LRP1B: variants seen among roughly 807,000 people sequenced by gnomAD.
The protein encoded by LRP1B is LDL receptor related protein 1B.
In LRP1B, 217 loss-of-function variants were observed where a neutral mutation model predicts 556.6. That is an observed-to-expected ratio of 0.39 (90% CI 0.35 to 0.44). The LOEUF is 0.44. Ranked by LOEUF, LRP1B falls within the 20% of genes least tolerant of loss-of-function variation. The pLI, the probability that LRP1B is intolerant of heterozygous loss-of-function variation, is 1.00. For missense variants in LRP1B, 5,053 were observed against 5,620.8 expected (o/e 0.90, Z 3.23); for synonymous variants, 2,047 against 1,865.8 (o/e 1.10, Z -2.50).
intron 83 of LRP1B, among the ~76,000 whole-genome samples, chr2:140,308,520 A>C (rs1333466220): frequency 2.0e-5 from 3 of 151,740 alleles, no homozygotes. Flanking sequence ...ATTCATACTC[A>C]TTTGTCTATG....
At chr2:141,671,876 C>T (rs1372540216) in intron 2 of LRP1B, among the ~76,000 whole-genome samples, 1 of 150,998 alleles carries the variant, frequency 6.6e-6, no homozygotes, top group African/African-American at 2.4e-5. Context: ...TAAATACTCA[C>T]TGAAGATCTC....
chr2:140,233,626 T>G (rs1680568777), intron 90 of LRP1B, among the ~76,000 whole-genome samples: 1 of 151,208 alleles, frequency 6.6e-6, no homozygotes, highest in African/African-American at 2.4e-5. Flanking sequence ...TCACTGAGAC[T>G]TTATTATAAA....
intron 1 of LRP1B, among the ~76,000 whole-genome samples, chr2:141,943,773 G>T (rs1700882309): frequency 6.6e-6 from 1 of 152,070 alleles, no homozygotes; most frequent in Non-Finnish European, 1.5e-5. Context: ...GTCCTTGGTA[G>T]ACATTATCTC....
At chr2:141,749,109 C>A (rs1326108666) in intron 2 of LRP1B, among the ~76,000 whole-genome samples, 2 of 151,962 alleles carry the variant, frequency 1.3e-5, no homozygotes, top group African/African-American at 2.4e-5. Flanking sequence ...ACAAAATTGG[C>A]CCTTTATAAT....
chr2:140,954,089 T>C (rs1695801018), intron 18 of LRP1B, among the ~76,000 whole-genome samples: 1 of 152,210 alleles, frequency 6.6e-6, no homozygotes, highest in African/African-American at 2.4e-5. Flanking sequence ...TCCACTATTT[T>C]AGGATTCAGT....
intron 2 of LRP1B, among the ~76,000 whole-genome samples, chr2:141,489,059 T>C (rs1033983479): frequency 6.7e-6 from 1 of 150,078 alleles, no homozygotes; most frequent in Non-Finnish European, 1.5e-5. Context: ...TCCTGCAGCC[T>C]TCACCTTCTG....
At position 140,527,867 on chromosome 2, in the gene LRP1B, C is replaced by T. The variant is rs987737570; in HGVS notation, c.7763-1517G>A. 4.1e-4 allele frequency among the ~76,000 whole-genome samples: 62 copies of T among 151,658 alleles called. 1 individual carries two copies. Among genetic ancestry groups the T allele is most frequent in the African/African-American group, 1.3e-3 (54 of 41,292 alleles). On this transcript the variant is annotated intron_variant, in intron 47 of 90. Transcript: ENST00000389484. ...TAGTAGTTTCTTACTAACTTTGTTC[C>T]GAAAGATTGCTTATAATCTCTTTTT...
chr2:140,714,450 G>T (rs1340575775), intron 37 of LRP1B, among the ~76,000 whole-genome samples: 1 of 152,068 alleles, frequency 6.6e-6, no homozygotes, highest in Non-Finnish European at 1.5e-5. Context: ...ATCAGCTTAA[G>T]GGTCTACAAT....
chr2:140,374,229 G>A (rs1683122369), intron 68 of LRP1B, among the ~76,000 whole-genome samples: 1 of 152,140 alleles, frequency 6.6e-6, no homozygotes, highest in East Asian at 1.9e-4. Flanking sequence ...TCACTGGGAT[G>A]ATGTTTTCTG....
intron 1 of LRP1B, among the ~76,000 whole-genome samples, chr2:141,889,981 A>G (rs1184995220): frequency 1.1e-5 from 1 of 87,080 alleles, no homozygotes; most frequent in African/African-American, 4.0e-5. Flanking sequence ...CCCCTCACCC[A>G]CCCCATATGT....
chr2:140,975,975 G>A (rs1042025985), intron 18 of LRP1B, among the ~76,000 whole-genome samples: 76 of 152,074 alleles, frequency 5.0e-4, no homozygotes, highest in African/African-American at 1.7e-3. Flanking sequence ...GTCCCAGGCT[G>A]GAATGCATCA....
At chr2:140,728,156 T>C (rs1687657400) in intron 35 of LRP1B, among the ~76,000 whole-genome samples, 1 of 8,584 alleles carries the variant, frequency 1.2e-4, no homozygotes, top group African/African-American at 1.5e-4. Flanking sequence ...TTACTTGTTA[T>C]TAAAAAAAAA....
At chr2:140,653,234 A>G (rs1684752360) in intron 41 of LRP1B, among the ~76,000 whole-genome samples, 1 of 152,168 alleles carries the variant, frequency 6.6e-6, no homozygotes, top group Admixed American at 6.5e-5. Flanking sequence ...AACCTCCCGG[A>G]CTATACAACA....
At chr2:140,672,905 G>A (rs1205334897) in intron 41 of LRP1B, among the ~76,000 whole-genome samples, 1 of 152,136 alleles carries the variant, frequency 6.6e-6, no homozygotes, top group East Asian at 1.9e-4. Context: ...TGGAAGAAAA[G>A]ATCCACGAGT....
At chr2:142,045,693 C>T (rs575525439) in intron 1 of LRP1B, among the ~76,000 whole-genome samples, 1 of 151,940 alleles carries the variant, frequency 6.6e-6, no homozygotes, top group East Asian at 1.9e-4. Context: ...GTTTGCTATA[C>T]ATTCTCTCTA....
rs768997011 is a variant in LRP1B, at chr2:141,540,137, T to G, written c.206-59604A>C. On this transcript the variant is annotated intron_variant, in intron 2 of 90. Coordinates refer to ENST00000389484, the MANE Select transcript of LRP1B (RefSeq NM_018557.3). The stretch of plus-strand genomic sequence containing the variant: ...CAATTTATCACATATATTATTTCAC[T>G]TAATTCCCTTTTCCTATAGATGGAG... 1.8e-3 allele frequency among the ~76,000 whole-genome samples: 281 copies of G among 152,232 alleles called. 1 individual carries two copies. Among genetic ancestry groups the G allele is most frequent in the Admixed American group, 2.3e-3 (35 of 15,280 alleles).
intron 43 of LRP1B, among the ~76,000 whole-genome samples, chr2:140,581,983 G>A (rs1461050331): frequency 6.6e-6 from 1 of 151,964 alleles, no homozygotes; most frequent in East Asian, 1.9e-4. Context: ...CCCATGTCTT[G>A]GAGAAAATGC....
Position 140,526,353 on chromosome 2 carries a change from A to T in LRP1B, c.7763-3T>A, listed in dbSNP as rs1291871160. ...CTCAACCGTGGCACAGGTTGAAACTAGAAAAACAGGTACATAAACAAATGC... is the reference window on the plus strand; with the variant it reads ...CTCAACCGTGGCACAGGTTGAAACTTGAAAAACAGGTACATAAACAAATGC... On this transcript the variant is annotated splice_polypyrimidine_tract_variant and splice_region_variant and intron_variant, in intron 47 of 90. Transcript: ENST00000389484. The T allele has an allele frequency of 1.3e-6, 2 of 1,581,250 alleles. No individual in the cohort carries two copies. The highest frequency in any genetic ancestry group is 8.7e-7 in the Non-Finnish European group (1 of 1,150,898).
At chr2:140,735,951 A>G (rs1195079090) in intron 35 of LRP1B, among the ~76,000 whole-genome samples, 1 of 152,152 alleles carries the variant, frequency 6.6e-6, no homozygotes, top group African/African-American at 2.4e-5. Context: ...CTAGAATATA[A>G]GACTGGATAA....
Sources: gnomAD v4.1 joint callset for allele counts (sites outside exome capture counted in the v4.1 genomes callset) on GRCh38, gnomAD v4.1.1 for gene constraint, MANE v1.5 for transcripts, NCBI Gene and HGNC (gene_info 2026-07-23, HGNC 2026-07-21) for gene names.